Variants in PRDM6 observed in about 807,000 individuals in gnomAD.
PRDM6 encodes the protein putative histone-lysine N-methyltransferase PRDM6.
A neutral mutation model predicts 60.8 loss-of-function variants in PRDM6; 25 were observed. That is an observed-to-expected ratio of 0.41 (90% CI 0.30 to 0.57). The LOEUF (loss-of-function observed/expected upper bound fraction) is 0.57, where lower values mean the gene tolerates loss of function less well. Among genes scored for constraint, PRDM6 ranks in the 20% least tolerant of loss-of-function variants. PRDM6 has a pLI of 0.27. For synonymous variants in PRDM6, 407 were observed against 357.4 expected, an observed-to-expected ratio of 1.14 and a Z score of -1.57; for missense variants, 839 against 821.3, an observed-to-expected ratio of 1.02 and a Z score of -0.26.
chr5:123,174,161 C>T (rs1288982711), intron 6 of PRDM6, among the ~76,000 whole-genome samples: 1 of 152,178 alleles, frequency 6.6e-6, no homozygotes, highest in African/African-American at 2.4e-5. Flanking sequence ...AATCTGAAAT[C>T]TGAAATGCAT....
intron 3 of PRDM6, among the ~76,000 whole-genome samples, chr5:123,155,457 T>A (rs1765471130): frequency 6.6e-6 from 1 of 151,908 alleles, no homozygotes; most frequent in Non-Finnish European, 1.5e-5. Context: ...GAACAGACAG[T>A]TACTGCCTCC....
chr5:123,119,376 G>T (rs1764529337), intron 3 of PRDM6, among the ~76,000 whole-genome samples: 1 of 152,190 alleles, frequency 6.6e-6, no homozygotes, highest in African/African-American at 2.4e-5. Flanking sequence ...TTCTGAGAAG[G>T]TGAGGAAAGA....
At position 123,190,162 on chromosome 5, in the gene PRDM6, A is replaced by T. The variant is rs893738759; in HGVS notation, c.*2961A>T. ...TTGGCTCTTGAAGCAATCCTTCTTT[A>T]CTCTTTTCTTTCAATGGGGATAAAA... On this transcript the variant is annotated 3_prime_UTR_variant, in exon 8 of 8. Transcript: ENST00000407847. 3.9e-5 allele frequency: 6 copies of T among 152,070 alleles called. No homozygotes were observed. Among genetic ancestry groups the T allele is most frequent in the African/African-American group, 1.4e-4 (6 of 41,390 alleles). The allele number at this position is 152,070 out of a possible 1,614,324, so 9.4% of individuals were successfully genotyped here.
At chr5:123,104,608 A>G (rs1261878443) in intron 3 of PRDM6, among the ~76,000 whole-genome samples, 1 of 152,156 alleles carries the variant, frequency 6.6e-6, no homozygotes, top group Non-Finnish European at 1.5e-5. Context: ...TCTGCCTGTC[A>G]GTTTGGTTTT....
chr5:123,176,391 T>C (rs1766012010), intron 6 of PRDM6, among the ~76,000 whole-genome samples: 1 of 152,130 alleles, frequency 6.6e-6, no homozygotes. Flanking sequence ...TCTATGATGA[T>C]TTAGAGAGAA....
Position 123,090,442 on chromosome 5 carries a change from C to G in PRDM6, c.428C>G (p.Ser143Cys), listed in dbSNP as rs934285754. The G allele has an allele frequency of 2.3e-5, 33 of 1,455,052 alleles. No individual in the cohort carries two copies. In the East Asian group the frequency reaches 9.6e-4, roughly 42 times the overall value. The allele number at this position is 1,455,052 out of a possible 1,614,324, so 90.1% of individuals were successfully genotyped here. ...AAGGAACTGTGCCTCGGCGCCACCT[C>G]CGGCCCCGGGCCCGTCAAGTGCGGT... Reference protein sequence around the residue: ...PPKELCLGATSGPGPVKCGGG... With the variant: ...PPKELCLGATCGPGPVKCGGG... The change falls in exon 2 of 8, where the codon TCC (serine) becomes TGC (cysteine). Residue 143 changes from serine (S) to cysteine (C), a missense_variant. Physicochemically the swap from Ser to Cys is moderately radical, Grantham distance 112. Around this residue, in one of 2 missense-constraint regions of PRDM6, gnomAD observed 730 missense variants for 648.8 expected, o/e 1.13. Transcript: ENST00000407847.
At chr5:123,186,084 G>A (rs186603526) in intron 7 of PRDM6, among the ~76,000 whole-genome samples, 5 of 152,358 alleles carry the variant, frequency 3.3e-5, no homozygotes, top group Non-Finnish European at 7.3e-5. Context: ...TGCTGGGCCA[G>A]TGCTCTAGGC....
intron 3 of PRDM6, among the ~76,000 whole-genome samples, chr5:123,153,612 T>C (rs1422520266): frequency 6.6e-6 from 1 of 152,192 alleles, no homozygotes; most frequent in Non-Finnish European, 1.5e-5. Context: ...GCCTGACAAA[T>C]AGCCTTTTAC....
intron 3 of PRDM6, among the ~76,000 whole-genome samples, chr5:123,153,000 T>C (rs530783614): frequency 9.2e-5 from 14 of 152,232 alleles, no homozygotes; most frequent in Admixed American, 2.6e-4. Flanking sequence ...TTCTTATATT[T>C]CTACTCCTAT....
intron 3 of PRDM6, among the ~76,000 whole-genome samples, chr5:123,116,627 A>G (rs1204920823): frequency 6.6e-6 from 1 of 152,196 alleles, no homozygotes; most frequent in Non-Finnish European, 1.5e-5. Context: ...TATGTAGCAT[A>G]AGTGAAAAAA....
In PRDM6 at chr5:123,191,329, A is replaced by C. The variant is rs1320066435; in HGVS notation, c.*4128A>C. ...GGGAATCATGGCACGTCTCACAAAG[A>C]GGGCATTTCCAGAACAGCAGGGTTA... On this transcript the variant is annotated 3_prime_UTR_variant, in exon 8 of 8. Coordinates refer to ENST00000407847, the MANE Select transcript of PRDM6 (RefSeq NM_001136239.4). 6.6e-6 allele frequency: 1 copy of C among 152,216 alleles called. No individual in the cohort carries two copies. Among genetic ancestry groups the C allele is most frequent in the African/African-American group, 2.4e-5 (1 of 41,452 alleles). The allele number at this position is 152,216 out of a possible 1,614,324, so 9.4% of individuals were successfully genotyped here.
chr5:123,139,091 C>T (rs1765039586), intron 3 of PRDM6, among the ~76,000 whole-genome samples: 1 of 152,138 alleles, frequency 6.6e-6, no homozygotes, highest in Non-Finnish European at 1.5e-5. Context: ...TACTTGCTTC[C>T]CCTTTGCCTT....
chr5:123,161,181 G>A (rs337104), intron 5 of PRDM6, among the ~76,000 whole-genome samples: 8,844 of 152,280 alleles, frequency 0.058, 303 homozygotes, highest in African/African-American at 0.095. Context: ...TTGTTGTGGT[G>A]TGTGTGTTGA....
chr5:123,157,486 G>A (rs1765529848), intron 4 of PRDM6, among the ~76,000 whole-genome samples: 1 of 152,194 alleles, frequency 6.6e-6, no homozygotes, highest in South Asian at 2.1e-4. Context: ...GCACGGGTAA[G>A]TCATTGCCTA....
Position 123,187,275 on chromosome 5 carries a change from G to T in PRDM6, c.*74G>T. 1 of 1,169,076 alleles carries T rather than the reference G, an allele frequency of 8.6e-7. No individual in the cohort carries two copies. 72.4% of individuals were successfully genotyped at this position (1,169,076 alleles called of 1,614,324 possible). On this transcript the variant is annotated 3_prime_UTR_variant, in exon 8 of 8. Coordinates refer to ENST00000407847, the MANE Select transcript of PRDM6 (RefSeq NM_001136239.4). ...TCACGGACACTTAAGCAAAACCAAA[G>T]ATTTCCTCTGAGCAACTTTCAATCA... is the stretch of plus-strand genomic sequence containing the variant.
chr5:123,090,594 G>A lies in PRDM6; in HGVS notation c.580G>A (p.Asp194Asn), dbSNP rs972878199. ...CATCCCGCTCAACCAGCACACCAGC[G>A]ACCCCAACAACCGTACGTAGCCGCA... ...EIIPLNQHTSDPNNRCDMCAD... is the reference protein window; with the variant it reads ...EIIPLNQHTSNPNNRCDMCAD... Residue 194 changes from aspartate to asparagine, a missense_variant, in exon 2 of 8, where the codon GAC (aspartate) becomes AAC (asparagine). Physicochemically the swap from Asp to Asn is conservative, Grantham distance 23. Transcript: ENST00000407847. The A allele has an allele frequency of 1.3e-6, 2 of 1,522,018 alleles. No individual in the cohort carries two copies. Among genetic ancestry groups the A allele is most frequent in the Non-Finnish European group, 8.8e-7 (1 of 1,142,222 alleles). 94.3% of individuals were successfully genotyped at this position (1,522,018 alleles called of 1,614,324 possible). A position where few individuals can be genotyped will look rare whatever the true frequency, so the allele number is the denominator to read the frequency against.
At chr5:123,119,105 T>A (rs1764521784) in intron 3 of PRDM6, among the ~76,000 whole-genome samples, 1 of 152,072 alleles carries the variant, frequency 6.6e-6, no homozygotes, top group Admixed American at 6.6e-5. Context: ...CAGAAAAAGT[T>A]GAATAATGCA....
chr5:123,165,039 C>T (rs1436103137), intron 5 of PRDM6, among the ~76,000 whole-genome samples: 1 of 152,202 alleles, frequency 6.6e-6, no homozygotes, highest in Non-Finnish European at 1.5e-5. Flanking sequence ...TGCCTCACTT[C>T]CCAACAGGTG....
In PRDM6 at chr5:123,090,301, G is replaced by C. The variant is rs1316155412; in HGVS notation, c.287G>C (p.Cys96Ser). The change falls in exon 2 of 8, where the codon TGC (cysteine) becomes TCC (serine). Residue 96 changes from cysteine to serine, a missense_variant. Cys to Ser is a moderately radical substitution (Grantham distance 112). This residue lies in a region of PRDM6 where 730 missense variants were observed against 648.8 expected (regional missense o/e 1.13). Transcript: ENST00000407847. ...SSTSASSASS[C>S]AAAAAAAALA... is the part of the protein sequence containing the mutation. ...ACCTCCGCCTCCTCCGCCTCCTCCT[G>C]CGCTGCTGCGGCCGCTGCCGCCGCG... 8.9e-7 allele frequency: 1 copy of C among 1,129,924 alleles called. No individual in the cohort carries two copies. 70.0% of individuals were successfully genotyped at this position (1,129,924 alleles called of 1,614,324 possible). A position where few individuals can be genotyped will look rare whatever the true frequency, so the allele number is the denominator to read the frequency against.
Sources: gnomAD v4.1 joint callset for allele counts (sites outside exome capture counted in the v4.1 genomes callset) on GRCh38, gnomAD v4.1.1 for gene constraint, gnomAD v4.1.1 regional missense constraint, MANE v1.5 for transcripts, NCBI Gene and HGNC (gene_info 2026-07-23, HGNC 2026-07-21) for gene names.